The following TTLL3 variants were observed in gnomAD, a reference collection of about 807,000 sequenced individuals.
The protein encoded by TTLL3 is tubulin monoglycylase TTLL3.
TTLL3 carries 63 observed loss-of-function variants against 75.2 expected under a neutral mutation model. That is an observed-to-expected ratio of 0.84 (90% confidence interval 0.68 to 1.03). The LOEUF is 1.03. TTLL3 is among the 50% of genes least tolerant of loss of function. The probability of loss-of-function intolerance (pLI) is 0.00; values close to 1 mark genes in which losing one functional copy is unlikely to be tolerated. For synonymous variants in TTLL3, 393 were observed against 418.5 expected (o/e 0.94, Z 0.74); for missense variants, 997 against 1,069.9 (o/e 0.93, Z 0.95).
In TTLL3 at chr3:9,829,239, G is replaced by A. The variant is rs765230519; in HGVS notation, c.1527G>A (p.Trp509Ter). The change falls in exon 11 of 14, where the codon TGG becomes TGA. Residue 509 changes from tryptophan (W) to a stop codon, truncating the protein, a stop_gained. Transcript: ENST00000685419. LOFTEE classifies it high-confidence loss of function. ...DFVFGEDFQP[W>*]LIEINASPTM... ...TGTTCGGGGAGGACTTCCAGCCCTGGCTGATTGAGATCAACGCCAGCCCCA... is the reference window on the plus strand; with the variant it reads ...TGTTCGGGGAGGACTTCCAGCCCTGACTGATTGAGATCAACGCCAGCCCCA... The A allele has an allele frequency of 3.1e-6, 5 of 1,614,210 alleles. No homozygotes were observed. The highest frequency in any genetic ancestry group is 1.7e-5 in the Admixed American group (1 of 60,026).
At chr3:9,821,316 GC>G (rs1162590853) in intron 8 of TTLL3, among the ~76,000 whole-genome samples, 1 of 152,226 alleles carries the variant, frequency 6.6e-6, no homozygotes, top group Non-Finnish European at 1.5e-5. Context: ...TTCGGGAGAA[GC>G]ATGCAGGAGC....
chr3:9,832,892 A>G (rs1031231786), intron 11 of TTLL3, among the ~76,000 whole-genome samples: 1 of 152,164 alleles, frequency 6.6e-6, no homozygotes, highest in African/African-American at 2.4e-5. Flanking sequence ...GGACATGGCT[A>G]GGATTCCCCC....
At chr3:9,830,226 G>T (rs1304987708) in intron 11 of TTLL3, among the ~76,000 whole-genome samples, 3 of 152,138 alleles carry the variant, frequency 2.0e-5, no homozygotes, top group Admixed American at 2.0e-4. Context: ...ATAAGGTTAG[G>T]AGTTTCATCA....
intron 4 of TTLL3, 46 bp downstream of exon 4, chr3:9,813,391 A>G: frequency 1.2e-6 from 2 of 1,607,616 alleles, no homozygotes; most frequent in Non-Finnish European, 1.7e-6. Flanking sequence ...GCCTGCTTAG[A>G]GGGAGGGCAT....
chr3:9,832,793 C>T (rs1370020937), intron 11 of TTLL3, among the ~76,000 whole-genome samples: 2 of 152,222 alleles, frequency 1.3e-5, no homozygotes, highest in East Asian at 3.8e-4. Flanking sequence ...AAGCTGTCCA[C>T]CAGCAGTGGC....
intron 8 of TTLL3, among the ~76,000 whole-genome samples, chr3:9,822,036 GA>G: frequency 7.4e-6 from 1 of 135,524 alleles, no homozygotes; most frequent in Non-Finnish European, 1.6e-5. Context: ...TCAAGACTTA[GA>G]ACATTAGTCA....
rs2081969484 is a variant in TTLL3, at chr3:9,835,298, C to T, written c.2257C>T (p.Gln753Ter). 9 of 1,614,202 alleles carry T rather than the reference C, an allele frequency of 5.6e-6. No individual in the cohort carries two copies. The highest frequency in any genetic ancestry group is 6.8e-6 in the Non-Finnish European group (8 of 1,180,032). The part of the protein sequence containing the change: ...LKPLPLVGTF[Q>*]RRRGLGDMKL... ...ACCCCTGCCCCTTGTTGGTACATTC[C>T]AGAGGCGCAGGGGCCTGGGGGATAT... is the stretch of plus-strand genomic sequence containing the variant. Residue 753 changes from glutamine (Q) to a stop codon, truncating the protein, a stop_gained, in exon 14 of 14, where the codon CAG (glutamine) becomes TAG (stop). Transcript: ENST00000685419. LOFTEE classifies it low-confidence loss of function (END_TRUNC).
upstream of TTLL3, chr3:9,810,166 C>T: frequency 1.1e-5 from 16 of 1,471,716 alleles, no homozygotes; most frequent in African/African-American, 1.5e-5. The surrounding 1 kb of genome is among the most constrained non-coding windows in gnomAD (Gnocchi z 4.4). Flanking sequence ...CTCGGCGCGC[C>T]GCTCCGAGTT....
At chr3:9,812,317 C>T (rs1024476632) in intron 2 of TTLL3, among the ~76,000 whole-genome samples, 2 of 152,162 alleles carry the variant, frequency 1.3e-5, no homozygotes, top group African/African-American at 4.8e-5. Flanking sequence ...GAGTTCAAGA[C>T]CAGCGTGGCC....
chr3:9,816,719 G>A (rs965109160), intron 5 of TTLL3, among the ~76,000 whole-genome samples: 1 of 151,900 alleles, frequency 6.6e-6, no homozygotes, highest in Non-Finnish European at 1.5e-5. Flanking sequence ...GTTTCACCAT[G>A]TTGGTGACCT....
At chr3:9,826,424 A>G (rs1422903140) in intron 9 of TTLL3, among the ~76,000 whole-genome samples, 2 of 152,168 alleles carry the variant, frequency 1.3e-5, no homozygotes, top group African/African-American at 4.8e-5. Flanking sequence ...TAATAGGTGC[A>G]CATACTTTAA....
chr3:9,830,596 A>G (rs2081427517), intron 11 of TTLL3, among the ~76,000 whole-genome samples: 1 of 152,132 alleles, frequency 6.6e-6, no homozygotes, highest in African/African-American at 2.4e-5. Context: ...AAAAATGTAA[A>G]CGGGGAAATA....
chr3:9,814,380 TCA>T (rs2079628065), intron 4 of TTLL3, among the ~76,000 whole-genome samples: 1 of 149,658 alleles, frequency 6.7e-6, no homozygotes, highest in Non-Finnish European at 1.5e-5. Context: ...GAGCAGTGGC[TCA>T]CACCTGTAAT....
upstream of TTLL3, chr3:9,810,184 C>A (rs1333143233): frequency 1.4e-6 from 2 of 1,476,954 alleles, no homozygotes; most frequent in Admixed American, 2.4e-5. The surrounding 1 kb of genome is among the most constrained non-coding windows in gnomAD (Gnocchi z 4.4). Flanking sequence ...GTTCCGTCCA[C>A]CCAGGAGGCT....
chr3:9,820,461 C>A, intron 7 of TTLL3, 85 bp from the exon 8 acceptor site: 1 of 1,569,396 alleles, frequency 6.4e-7, no homozygotes, highest in Non-Finnish European at 8.6e-7. Flanking sequence ...AGGTAAGTGA[C>A]AGGCCTTAGG....
chr3:9,828,185 A>G (rs1400551559), intron 10 of TTLL3: 2 of 152,058 alleles, frequency 1.3e-5, no homozygotes, highest in Non-Finnish European at 1.5e-5. Context: ...CGTTGGGGGA[A>G]AAAGGGAAGC....
At chr3:9,816,705 T>C (rs191634995) in intron 5 of TTLL3, among the ~76,000 whole-genome samples, 1 of 151,992 alleles carries the variant, frequency 6.6e-6, no homozygotes, top group East Asian at 1.9e-4. Context: ...TTAGTAGAGA[T>C]GGGGTTTCAC....
chr3:9,820,421 G>C (rs2080300391), intron 7 of TTLL3, 125 bp from the exon 8 acceptor site: 1 of 1,531,784 alleles, frequency 6.5e-7, no homozygotes, highest in Non-Finnish European at 8.8e-7. Context: ...CAGGGCAGTA[G>C]GGGATCTATC....
chr3:9,818,868 G>A lies in TTLL3; in HGVS notation c.606G>A (p.Val202=). 3 of 1,614,160 alleles carry A rather than the reference G, an allele frequency of 1.9e-6. No individual in the cohort carries two copies. Among genetic ancestry groups the A allele is most frequent in the Non-Finnish European group, 2.5e-6 (3 of 1,180,022 alleles). ...TAARNVLKLV[V]KSEWKSYPIQ... is the part of the protein sequence containing the mutation. ...CCCGCAACGTTCTCAAGCTGGTGGTGAAGTCTGAGTGGAAGTCATACCCTA... is the reference window on the plus strand; with the variant it reads ...CCCGCAACGTTCTCAAGCTGGTGGTAAAGTCTGAGTGGAAGTCATACCCTA... The change falls in exon 7 of 14, where the codon GTG becomes GTA. Residue 202 remains valine (V), a synonymous_variant. Transcript: ENST00000685419.
Sources: allele counts gnomAD v4.1 joint callset (sites outside exome capture counted in the v4.1 genomes callset), GRCh38; gene constraint gnomAD v4.1.1; non-coding constraint Gnocchi (gnomAD v3.1); transcripts MANE v1.5; gene names NCBI Gene and HGNC (gene_info 2026-07-23, HGNC 2026-07-21).